RNGTT: variants seen among roughly 807,000 people sequenced by gnomAD.
The protein encoded by RNGTT is mRNA-capping enzyme.
Under a neutral mutation model 79.3 loss-of-function variants are expected in RNGTT, and 33 were observed. The observed-to-expected ratio is 0.42, with a 90% confidence interval of 0.32 to 0.56. The LOEUF is 0.56. Among genes scored for constraint, RNGTT ranks in the 20% least tolerant of loss-of-function variants. The probability of loss-of-function intolerance (pLI) is 0.17; values close to 1 mark genes in which losing one functional copy is unlikely to be tolerated. For synonymous variants in RNGTT, 222 were observed against 235.9 expected, an observed-to-expected ratio of 0.94 and a Z score of 0.54; for missense variants, 497 against 739.1, an observed-to-expected ratio of 0.67 and a Z score of 3.80.
intron 12 of RNGTT, 82 bp from the exon 13 acceptor site, chr6:88,769,956 T>C: frequency 1.1e-6 from 1 of 876,996 alleles, no homozygotes; most frequent in Middle Eastern, 3.2e-4. Flanking sequence ...ATGTAACTTT[T>C]TATTAAGCAA....
At chr6:88,802,818 C>A (rs930145684) in intron 11 of RNGTT, among the ~76,000 whole-genome samples, 2 of 152,126 alleles carry the variant, frequency 1.3e-5, no homozygotes, top group East Asian at 3.9e-4. Context: ...ATAGCCCCCA[C>A]GAATCAATTA....
At chr6:88,770,579 T>G (rs1778621297) in intron 12 of RNGTT, among the ~76,000 whole-genome samples, 1 of 152,212 alleles carries the variant, frequency 6.6e-6, no homozygotes, top group South Asian at 2.1e-4. Context: ...TTCCAGTTTT[T>G]GGCTATCATG....
intron 13 of RNGTT, among the ~76,000 whole-genome samples, chr6:88,711,594 A>G (rs1776321270): frequency 6.6e-6 from 1 of 152,220 alleles, no homozygotes; most frequent in Non-Finnish European, 1.5e-5. Context: ...TTTGGATAAT[A>G]TTAACTTGCT....
At chr6:88,883,472 TG>T (rs1782755901) in intron 8 of RNGTT, among the ~76,000 whole-genome samples, 1 of 152,146 alleles carries the variant, frequency 6.6e-6, no homozygotes, top group Non-Finnish European at 1.5e-5. Flanking sequence ...ACAGGCAAGG[TG>T]GTCACTATCA....
intron 11 of RNGTT, among the ~76,000 whole-genome samples, chr6:88,817,490 TAAAAAAAAAAAAAAA>T (rs11354100): frequency 2.2e-5 from 1 of 44,564 alleles, no homozygotes; most frequent in Admixed American, 3.2e-4. Context: ...AAAAAATAAG[TAAAAAAAAAAAAAAA>T]AAAAAAAAAA....
At chr6:88,616,263 C>G (rs778923508) in intron 14 of RNGTT, among the ~76,000 whole-genome samples, 1 of 152,186 alleles carries the variant, frequency 6.6e-6, no homozygotes, top group African/African-American at 2.4e-5. Flanking sequence ...TCAATGGACA[C>G]GTGGGCTGCT....
intron 11 of RNGTT, among the ~76,000 whole-genome samples, chr6:88,836,232 A>T (rs906856509): frequency 2.7e-5 from 4 of 150,498 alleles, no homozygotes; most frequent in Non-Finnish European, 4.4e-5. Context: ...AATGAGATTT[A>T]TATATATATA....
intron 12 of RNGTT, among the ~76,000 whole-genome samples, chr6:88,788,581 T>A (rs1218352750): frequency 6.6e-6 from 1 of 152,164 alleles, no homozygotes; most frequent in Non-Finnish European, 1.5e-5. Flanking sequence ...CATAATCTCA[T>A]CTACAAGCAC....
At chr6:88,893,872 T>A (rs1047175034) in intron 6 of RNGTT, among the ~76,000 whole-genome samples, 19 of 152,182 alleles carry the variant, frequency 1.2e-4, no homozygotes, top group Non-Finnish European at 2.6e-4. Flanking sequence ...TAGGCTAACA[T>A]AATTTGCTAT....
intron 1 of RNGTT, among the ~76,000 whole-genome samples, chr6:88,948,957 C>CAGGGACACAAACACTGCGG (rs1461183746): frequency 2.1e-5 from 2 of 94,288 alleles, no homozygotes; most frequent in Non-Finnish European, 4.1e-5. Context: ...CTCAAGTAAT[C>CAGGGACACAAACACTGCGG]AGGGACACAA....
intron 13 of RNGTT, among the ~76,000 whole-genome samples, chr6:88,681,732 T>C (rs1582322992): frequency 6.6e-6 from 1 of 152,184 alleles, no homozygotes; most frequent in East Asian, 1.9e-4. Flanking sequence ...ATGTATATTT[T>C]AAAATAGAAA....
At chr6:88,771,120 C>G (rs909448506) in intron 12 of RNGTT, among the ~76,000 whole-genome samples, 3 of 151,100 alleles carry the variant, frequency 2.0e-5, no homozygotes, top group African/African-American at 7.3e-5. Flanking sequence ...CAAAATTATC[C>G]ATTTAAAAAT....
At chr6:88,666,116 G>C (rs1774396844) in intron 14 of RNGTT, among the ~76,000 whole-genome samples, 1 of 152,170 alleles carries the variant, frequency 6.6e-6, no homozygotes, top group Admixed American at 6.5e-5. Context: ...CTGGTACCAA[G>C]TTACAAAGGG....
chr6:88,761,349 A>G, intron 13 of RNGTT, among the ~76,000 whole-genome samples: 1 of 151,894 alleles, frequency 6.6e-6, no homozygotes, highest in Admixed American at 6.6e-5. Context: ...AAATCAGCCC[A>G]GCATGGTGGC....
intron 13 of RNGTT, among the ~76,000 whole-genome samples, chr6:88,751,408 T>C (rs1406722239): frequency 6.6e-6 from 1 of 152,162 alleles, no homozygotes; most frequent in Non-Finnish European, 1.5e-5. Flanking sequence ...ATAACTCATG[T>C]AACTGCATAG....
Position 88,681,025 on chromosome 6 carries a change from C to T in RNGTT, c.1440-2606G>A, listed in dbSNP as rs144372246. On this transcript the variant is annotated intron_variant, in intron 13 of 15. Coordinates refer to ENST00000369485, the MANE Select transcript of RNGTT (RefSeq NM_003800.5). ...GAAATTAACCAACAAAACTTTAAAT[C>T]GCTCCCAAATCATTGCTGGTATCAT... Among the ~76,000 whole-genome samples, 44 of 152,158 alleles carry T rather than the reference C, an allele frequency of 2.9e-4. No individual in the cohort carries two copies. The East Asian group carries it at 7.3e-3, about 25-fold the overall frequency.
chr6:88,739,760 T>C (rs1322911693), intron 13 of RNGTT, among the ~76,000 whole-genome samples: 2 of 61,310 alleles, frequency 3.3e-5, no homozygotes, highest in East Asian at 8.9e-4. Context: ...TATATATATA[T>C]ATATATATAT....
intron 13 of RNGTT, among the ~76,000 whole-genome samples, chr6:88,703,778 C>A (rs551369372): frequency 2.0e-5 from 3 of 152,278 alleles, no homozygotes; most frequent in Non-Finnish European, 4.4e-5. Flanking sequence ...ACCACTTTAT[C>A]TGGAAAGAAT....
intron 8 of RNGTT, among the ~76,000 whole-genome samples, chr6:88,856,138 A>G (rs1236156636): frequency 6.6e-6 from 1 of 152,234 alleles, no homozygotes; most frequent in Non-Finnish European, 1.5e-5. Flanking sequence ...ATATATAAAT[A>G]AATCTGTTCA....
Sources: gnomAD v4.1 joint callset for allele counts (sites outside exome capture counted in the v4.1 genomes callset) on GRCh38, gnomAD v4.1.1 for gene constraint, MANE v1.5 for transcripts, NCBI Gene and HGNC (gene_info 2026-07-23, HGNC 2026-07-21) for gene names.